EDEM3: variants seen among roughly 807,000 people sequenced by gnomAD.
EDEM3 encodes ER degradation-enhancing alpha-mannosidase-like protein 3.
Under a neutral mutation model 110.2 loss-of-function variants are expected in EDEM3, and 60 were observed. That is an observed-to-expected ratio of 0.54 (90% CI 0.44 to 0.67). The LOEUF (loss-of-function observed/expected upper bound fraction) is 0.67, where lower values mean the gene tolerates loss of function less well. Among genes scored for constraint, EDEM3 ranks in the 30% least tolerant of loss-of-function variants. The probability of loss-of-function intolerance (pLI) is 0.00; values close to 1 mark genes in which losing one functional copy is unlikely to be tolerated. For missense variants in EDEM3, 996 were observed against 1,121.0 expected, an observed-to-expected ratio of 0.89 and a Z score of 1.59; for synonymous variants, 352 against 382.9, an observed-to-expected ratio of 0.92 and a Z score of 0.94.
chr1:184,728,263 A>G (rs569595962), intron 6 of EDEM3, among the ~76,000 whole-genome samples: 40 of 152,364 alleles, frequency 2.6e-4, no homozygotes, highest in Admixed American at 1.2e-3. Context: ...TGGAAGCCAC[A>G]AGTGCTAAAA....
In EDEM3 at chr1:184,751,420, A is replaced by G. The variant is rs576111007; in HGVS notation, c.159-1828T>C. Among the ~76,000 whole-genome samples the G allele has an allele frequency of 5.3e-5, 8 of 152,242 alleles. No individual in the cohort carries two copies. The South Asian group carries it at 1.2e-3, about 24-fold the overall frequency. On this transcript the variant is annotated intron_variant, in intron 1 of 19. Transcript: ENST00000318130. ...AAATGACATAAGCTTTAACTTGCTA[A>G]CTCAACTTTACAAGCATTCAATTTT...
At chr1:184,702,640 TTTA>T (rs1646990346) in intron 19 of EDEM3, among the ~76,000 whole-genome samples, 168 bp downstream of exon 19, 1 of 152,182 alleles carries the variant, frequency 6.6e-6, no homozygotes, top group Admixed American at 6.5e-5. Context: ...AAATAAATGT[TTTA>T]TTATTCTTAT....
intron 19 of EDEM3, among the ~76,000 whole-genome samples, chr1:184,702,228 A>G (rs1052342461): frequency 2.0e-5 from 3 of 152,214 alleles, no homozygotes; most frequent in African/African-American, 7.2e-5. Flanking sequence ...TTTGGCCTAC[A>G]GAGGACTATC....
intron 19 of EDEM3, among the ~76,000 whole-genome samples, chr1:184,698,996 A>G (rs922256544): frequency 4.6e-5 from 7 of 151,946 alleles, no homozygotes; most frequent in Admixed American, 1.3e-4. Flanking sequence ...GCCTGTTTTC[A>G]CCAGTATGTG....
Position 184,692,219 on chromosome 1 carries a change from C to G in EDEM3, c.*1844G>C, listed in dbSNP as rs1649092160. The stretch of plus-strand genomic sequence containing the variant: ...CTTTGCAATTAAAATGAACAAAGCA[C>G]TATATCTATCCTTCCATATACTGTA... On this transcript the variant is annotated 3_prime_UTR_variant, in exon 20 of 20. Coordinates refer to ENST00000318130, the MANE Select transcript of EDEM3 (RefSeq NM_025191.4). 1 of 152,076 alleles carries G rather than the reference C, an allele frequency of 6.6e-6. No individual in the cohort carries two copies. The highest frequency in any genetic ancestry group is 1.5e-5 in the Non-Finnish European group (1 of 67,988). The allele number at this position is 152,076 out of a possible 1,614,324, so 9.4% of individuals were successfully genotyped here. A position where few individuals can be genotyped will look rare whatever the true frequency, so the allele number is the denominator to read the frequency against.
chr1:184,702,259 T>G (rs548604694), intron 19 of EDEM3, among the ~76,000 whole-genome samples: 1 of 152,320 alleles, frequency 6.6e-6, no homozygotes, highest in East Asian at 1.9e-4. Context: ...AATTAAGACA[T>G]GCTATCTTGT....
At chr1:184,715,465 AT>A (rs1327798748) in intron 13 of EDEM3, among the ~76,000 whole-genome samples, 1 of 152,076 alleles carries the variant, frequency 6.6e-6, no homozygotes, top group Non-Finnish European at 1.5e-5. Flanking sequence ...GACTGGTTCT[AT>A]TTTATCTTTC....
chr1:184,748,994 A>G (rs1652600186), intron 2 of EDEM3, among the ~76,000 whole-genome samples: 1 of 152,254 alleles, frequency 6.6e-6, no homozygotes, highest in African/African-American at 2.4e-5. Flanking sequence ...TTGTTGCACA[A>G]CAGATCTCCA....
At chr1:184,731,195 G>C (rs1651494398) in intron 6 of EDEM3, among the ~76,000 whole-genome samples, 1 of 152,158 alleles carries the variant, frequency 6.6e-6, no homozygotes, top group Non-Finnish European at 1.5e-5. Context: ...GGATAAGAGG[G>C]AGAGAGTAAT....
chr1:184,740,834 A>T (rs1220210860), intron 2 of EDEM3, among the ~76,000 whole-genome samples: 1 of 152,240 alleles, frequency 6.6e-6, no homozygotes, highest in Non-Finnish European at 1.5e-5. Flanking sequence ...ATTGACACAC[A>T]TTAAGAAAGT....
intron 19 of EDEM3, among the ~76,000 whole-genome samples, chr1:184,695,609 C>G (rs150703892): frequency 6.6e-6 from 1 of 151,924 alleles, no homozygotes; most frequent in African/African-American, 2.4e-5. Context: ...GAAAAAAAAT[C>G]TCTGTATGTT....
chr1:184,739,211 TTTAA>T (rs1331980885), intron 2 of EDEM3, among the ~76,000 whole-genome samples: 3 of 150,190 alleles, frequency 2.0e-5, no homozygotes, highest in South Asian at 4.2e-4. Context: ...AAACCATTAT[TTTAA>T]TTATTTTATC....
intron 19 of EDEM3, among the ~76,000 whole-genome samples, chr1:184,698,827 A>G (rs1649462708): frequency 6.6e-6 from 1 of 151,824 alleles, no homozygotes; most frequent in African/African-American, 2.4e-5. Context: ...TTTGAAGAAG[A>G]TGCCCATGGA....
Position 184,723,955 on chromosome 1 carries a change from T to C in EDEM3, c.748-99A>G, listed in dbSNP as rs926598819. 8.9e-6 allele frequency: 7 copies of C among 785,668 alleles called. No individual in the cohort carries two copies. The Admixed American group carries it at 1.2e-4, about 14-fold the overall frequency. The allele number at this position is 785,668 out of a possible 1,614,324, so 48.7% of individuals were successfully genotyped here. Reference sequence around the variant, plus strand: ...CTAACAAACAAAACTCAAAGGCCGATAGGATATTTTAAGAATTAGGTTAAA... The same window carrying C: ...CTAACAAACAAAACTCAAAGGCCGACAGGATATTTTAAGAATTAGGTTAAA... On this transcript the variant is annotated intron_variant, in intron 7 of 19. Coordinates refer to ENST00000318130, the MANE Select transcript of EDEM3 (RefSeq NM_025191.4).
intron 2 of EDEM3, 36 bp from the exon 3 acceptor site, chr1:184,737,747 T>A: frequency 6.4e-7 from 1 of 1,566,922 alleles, no homozygotes; most frequent in Non-Finnish European, 8.8e-7. Flanking sequence ...CTAAGGAAAA[T>A]AAGCGAAAGC....
intron 7 of EDEM3, 81 bp from the exon 8 acceptor site, chr1:184,723,937 A>T: frequency 9.6e-7 from 1 of 1,041,312 alleles, no homozygotes; most frequent in Non-Finnish European, 1.4e-6. Context: ...AAACTAACAA[A>T]CAAAACTCAA....
Position 184,712,422 on chromosome 1 carries a change from TA to T in EDEM3, c.1536+10del, listed in dbSNP as rs1188016764. 1 of 1,579,220 alleles carries T rather than the reference TA, an allele frequency of 6.3e-7. No individual in the cohort carries two copies. The highest frequency in any genetic ancestry group is 1.2e-5 in the South Asian group (1 of 83,832). On this transcript the variant is annotated intron_variant, in intron 14 of 19. Coordinates refer to ENST00000318130, the MANE Select transcript of EDEM3 (RefSeq NM_025191.4). ...AAAAAAGAGAATAAGACATTTCATT[TA>T]AAAACTCACTGTGTTCTTTTTAGAG... is the stretch of plus-strand genomic sequence containing the variant.
chr1:184,702,529 A>G (rs1044865159), intron 19 of EDEM3, among the ~76,000 whole-genome samples: 1 of 152,224 alleles, frequency 6.6e-6, no homozygotes, highest in East Asian at 1.9e-4. Context: ...TTCCTGAAGC[A>G]GTCTCTTGTA....
chr1:184,693,936 G>T lies in EDEM3; in HGVS notation c.*127C>A. 1.1e-6 allele frequency: 1 copy of T among 932,226 alleles called. No homozygotes were observed. Among genetic ancestry groups the T allele is most frequent in the Non-Finnish European group, 1.6e-6 (1 of 626,496 alleles). The allele number at this position is 932,226 out of a possible 1,614,324, so 57.7% of individuals were successfully genotyped here. A position where few individuals can be genotyped will look rare whatever the true frequency, so the allele number is the denominator to read the frequency against. On this transcript the variant is annotated 3_prime_UTR_variant, in exon 20 of 20. Transcript: ENST00000318130. ...ATTCCTACGATAACTACGCCAGTCA[G>T]AACGTGGTTGTTCATCACCATACTT...
Sources: allele counts gnomAD v4.1 joint callset (sites outside exome capture counted in the v4.1 genomes callset), GRCh38; gene constraint gnomAD v4.1.1; transcripts MANE v1.5; gene names NCBI Gene and HGNC (gene_info 2026-07-23, HGNC 2026-07-21).